Variants in GABRR1 observed in about 807,000 individuals in gnomAD.
GABRR1 encodes gamma-aminobutyric acid receptor subunit rho-1.
A neutral mutation model predicts 55.5 loss-of-function variants in GABRR1; 59 were observed. That is an observed-to-expected ratio of 1.06 (90% CI 0.86 to 1.32). The LOEUF is 1.32. Among genes scored for constraint, GABRR1 ranks in the 40% most tolerant of loss-of-function variants. The pLI, the probability that GABRR1 is intolerant of heterozygous loss-of-function variation, is 0.00. For missense variants in GABRR1, 602 were observed against 619.1 expected, an observed-to-expected ratio of 0.97 and a Z score of 0.29; for synonymous variants, 213 against 226.0, an observed-to-expected ratio of 0.94 and a Z score of 0.51.
chr6:89,197,996 T>G, intron 5 of GABRR1, 24 bp downstream of exon 5: 1 of 1,597,774 alleles, frequency 6.3e-7, no homozygotes, highest in Non-Finnish European at 8.6e-7. Context: ...TTGGTTAATA[T>G]GAATGATCTG....
chr6:89,181,645 C>G (rs1006648912), intron 8 of GABRR1, among the ~76,000 whole-genome samples: 7 of 152,140 alleles, frequency 4.6e-5, no homozygotes, highest in Non-Finnish European at 7.3e-5. Context: ...AAAGACCAGG[C>G]TCGCCCACCC....
At chr6:89,192,741 A>T (rs1279483714) in intron 5 of GABRR1, among the ~76,000 whole-genome samples, 1 of 151,734 alleles carries the variant, frequency 6.6e-6, no homozygotes, top group African/African-American at 2.4e-5. Flanking sequence ...TTGTATTTTT[A>T]GTAGAGATGG....
At chr6:89,208,182 C>T (rs1017604181) in intron 1 of GABRR1, among the ~76,000 whole-genome samples, 10 of 152,118 alleles carry the variant, frequency 6.6e-5, no homozygotes, top group South Asian at 2.1e-4. Flanking sequence ...TGGGTGTGTG[C>T]GTGTGTTTAA....
chr6:89,186,268 A>G (rs886738696), intron 6 of GABRR1, among the ~76,000 whole-genome samples: 6 of 152,198 alleles, frequency 3.9e-5, no homozygotes, highest in African/African-American at 1.4e-4. Flanking sequence ...CAATTATACA[A>G]TCAAACACTA....
chr6:89,215,033 A>AACAAGT (rs1382178021), intron 1 of GABRR1, among the ~76,000 whole-genome samples: 1 of 152,170 alleles, frequency 6.6e-6, no homozygotes, highest in Non-Finnish European at 1.5e-5. Flanking sequence ...TAAAAAGATG[A>AACAAGT]ACAAGTACAA....
At chr6:89,184,118 T>C (rs191067688) in intron 7 of GABRR1, among the ~76,000 whole-genome samples, 3 of 152,170 alleles carry the variant, frequency 2.0e-5, no homozygotes, top group African/African-American at 7.2e-5. Flanking sequence ...TGGGTGCCTG[T>C]AATCCCAGCT....
intron 5 of GABRR1, among the ~76,000 whole-genome samples, chr6:89,192,803 C>A (rs1772144528): frequency 2.6e-5 from 4 of 152,122 alleles, no homozygotes; most frequent in Admixed American, 2.0e-4. Flanking sequence ...TCAGATGATC[C>A]ACCGGATCAG....
At position 89,190,181 on chromosome 6, in the gene GABRR1, A is replaced by G; in HGVS notation, c.639T>C (p.Ser213=). 1.9e-6 allele frequency: 3 copies of G among 1,609,752 alleles called. No homozygotes were observed. The highest frequency in any genetic ancestry group is 1.7e-6 in the Non-Finnish European group (2 of 1,177,920). ...SRFPLDTQTC[S]LEIESYAYTE... ...TCTACTCACAGCTTTCAATTTCAAGAGAGCACGTTTGTGTGTCCAAGGGAA... is the reference window on the plus strand; with the variant it reads ...TCTACTCACAGCTTTCAATTTCAAGGGAGCACGTTTGTGTGTCCAAGGGAA... The change falls in exon 6 of 10, where the codon TCT becomes TCC. Residue 213 remains serine (S), a synonymous_variant. Transcript: ENST00000454853.
At chr6:89,187,556 A>G (rs769697724) in intron 6 of GABRR1, among the ~76,000 whole-genome samples, 29 of 152,270 alleles carry the variant, frequency 1.9e-4, no homozygotes, top group Middle Eastern at 6.8e-3. Flanking sequence ...ACCACCATCC[A>G]TCTCCAGAAC....
intron 1 of GABRR1, among the ~76,000 whole-genome samples, chr6:89,211,299 C>T (rs1367908917): frequency 6.6e-6 from 1 of 152,164 alleles, no homozygotes; most frequent in Non-Finnish European, 1.5e-5. Flanking sequence ...ACAGCAACTC[C>T]TCATGCCACA....
At chr6:89,223,579 T>C (rs894560873) in intron 1 of GABRR1, among the ~76,000 whole-genome samples, 1 of 152,224 alleles carries the variant, frequency 6.6e-6, no homozygotes, top group Admixed American at 6.5e-5. Flanking sequence ...GCGGGATTGC[T>C]GGATCAAATG....
At chr6:89,180,101 T>A (rs1361784480) in intron 9 of GABRR1, among the ~76,000 whole-genome samples, 191 bp downstream of exon 9, 1 of 152,134 alleles carries the variant, frequency 6.6e-6, no homozygotes, top group Non-Finnish European at 1.5e-5. Context: ...GAATGAAAGA[T>A]GTCACCCAAA....
In GABRR1 at chr6:89,197,887, G is replaced by T. The variant is rs139595212; in HGVS notation, c.572+133C>A. The T allele has an allele frequency of 7.2e-4, 497 of 687,100 alleles. 2 individuals carry two copies. In the African/African-American group the frequency reaches 8.1e-3, roughly 11 times the overall value. 42.6% of individuals were successfully genotyped at this position (687,100 alleles called of 1,614,324 possible). ...AAATTTCTACTCATGTATAAAGTTA[G>T]TTTTCCTTGATGTTGAGAAGCTGGC... is the stretch of plus-strand genomic sequence containing the variant. On this transcript the variant is annotated intron_variant, in intron 5 of 9. Coordinates refer to ENST00000454853, the MANE Select transcript of GABRR1 (RefSeq NM_002042.5).
chr6:89,201,610 T>C (rs1002373447), intron 2 of GABRR1, among the ~76,000 whole-genome samples: 21 of 152,164 alleles, frequency 1.4e-4, no homozygotes, highest in African/African-American at 5.1e-4. Flanking sequence ...AAACCCCATC[T>C]CTACAAAAAA....
At chr6:89,228,747 T>C (rs1052905296) in intron 1 of GABRR1, among the ~76,000 whole-genome samples, 1 of 150,210 alleles carries the variant, frequency 6.7e-6, no homozygotes, top group Non-Finnish European at 1.5e-5. Flanking sequence ...TTCTGTTGAT[T>C]TGGGGTGGAG....
intron 8 of GABRR1, 126 bp downstream of exon 8, chr6:89,181,779 A>G: frequency 1.1e-6 from 1 of 925,144 alleles, no homozygotes; most frequent in East Asian, 2.6e-5. Context: ...ATAACTCTTG[A>G]GTTTTTCCAA....
intron 3 of GABRR1, among the ~76,000 whole-genome samples, chr6:89,200,851 T>C (rs1309124889): frequency 6.6e-6 from 1 of 152,208 alleles, no homozygotes; most frequent in Non-Finnish European, 1.5e-5. Flanking sequence ...GGAGGCCGCA[T>C]TGGGCTGCAG....
intron 3 of GABRR1, among the ~76,000 whole-genome samples, 172 bp downstream of exon 3, chr6:89,200,987 G>T (rs142687823): frequency 6.6e-6 from 1 of 152,078 alleles, no homozygotes; most frequent in African/African-American, 2.4e-5. Context: ...AACCCAGGGC[G>T]GGGCAAGACA....
chr6:89,229,388 C>T (rs931178266), intron 1 of GABRR1, among the ~76,000 whole-genome samples: 1 of 151,578 alleles, frequency 6.6e-6, no homozygotes, highest in Non-Finnish European at 1.5e-5. Flanking sequence ...CATGATTTTG[C>T]AGCAGCTGGT....
Sources: gnomAD v4.1 joint callset for allele counts (sites outside exome capture counted in the v4.1 genomes callset) on GRCh38, gnomAD v4.1.1 for gene constraint, MANE v1.5 for transcripts, NCBI Gene and HGNC (gene_info 2026-07-23, HGNC 2026-07-21) for gene names.